RACGAP1: variants seen among roughly 807,000 people sequenced by gnomAD.
RACGAP1 encodes Rac GTPase activating protein 1, also known as rac GTPase-activating protein 1.
In RACGAP1, 30 loss-of-function variants were observed where a neutral mutation model predicts 78.1. The observed-to-expected ratio is 0.38, with a 90% CI of 0.29 to 0.52. RACGAP1 has a LOEUF of 0.52. Ranked by LOEUF, RACGAP1 falls within the 20% of genes least tolerant of loss-of-function variation. The probability of loss-of-function intolerance (pLI) is 0.82; values close to 1 mark genes in which losing one functional copy is unlikely to be tolerated. For synonymous variants in RACGAP1, 231 were observed against 264.8 expected (o/e 0.87, Z 1.24); for missense variants, 587 against 777.1 (o/e 0.76, Z 2.91).
chr12:50,029,560 C>T (rs1302011400), upstream of RACGAP1, among the ~76,000 whole-genome samples: 1 of 151,568 alleles, frequency 6.6e-6, no homozygotes, highest in Non-Finnish European at 1.5e-5. Context: ...GGTGACAGTG[C>T]GAGTCTCTGT....
intron 4 of RACGAP1, among the ~76,000 whole-genome samples, chr12:50,004,716 T>TA: frequency 6.6e-6 from 1 of 152,362 alleles, no homozygotes; most frequent in Admixed American, 6.5e-5. Context: ...ATTAAGCCTG[T>TA]ACATCTTCTT....
At chr12:50,026,791 GA>G (rs1179505475), upstream of RACGAP1, among the ~76,000 whole-genome samples, 16 of 152,250 alleles carry the variant, frequency 1.1e-4, no homozygotes, top group African/African-American at 3.9e-4. Context: ...ACACTCAAGG[GA>G]TCCTCCCTCA....
intron 9 of RACGAP1, 103 bp from the exon 10 acceptor site, chr12:49,997,307 C>T (rs1185705682): frequency 7.4e-7 from 1 of 1,358,052 alleles, no homozygotes; most frequent in Non-Finnish European, 9.6e-7. Flanking sequence ...CCGAATCTCA[C>T]TCTCTCGCCT....
At chr12:50,032,152 A>AAAT (rs5798124) in intron 1 of RACGAP1, among the ~76,000 whole-genome samples, 15,924 of 151,210 alleles carry the variant, frequency 0.11, 1,052 homozygotes, top group South Asian at 0.28. Flanking sequence ...TCTCAAAAAT[A>AAAT]AATAATAATA....
exon 1 of RACGAP1, chr12:50,033,070 C>T (rs894554585): frequency 1.3e-5 from 2 of 152,318 alleles, no homozygotes; most frequent in Non-Finnish European, 2.9e-5. Flanking sequence ...GGCTAGGTCC[C>T]TGGCTGCCAA....
At chr12:50,011,924 A>AGC in intron 2 of RACGAP1, among the ~76,000 whole-genome samples, 1 of 145,376 alleles carries the variant, frequency 6.9e-6, no homozygotes, top group East Asian at 2.0e-4. Flanking sequence ...ACTGTACTCC[A>AGC]GCCTGGGCGA....
chr12:50,010,322 T>C (rs1267411508), intron 2 of RACGAP1, among the ~76,000 whole-genome samples: 2 of 151,596 alleles, frequency 1.3e-5, no homozygotes, highest in East Asian at 3.9e-4. Flanking sequence ...TTTTAACTTT[T>C]TTTTTTTTTT....
chr12:49,998,788 C>T (rs540929118), intron 9 of RACGAP1, among the ~76,000 whole-genome samples: 18 of 151,906 alleles, frequency 1.2e-4, no homozygotes, highest in Non-Finnish European at 2.5e-4. Context: ...ATCCCTACTA[C>T]TCAGGAGGCT....
intron 8 of RACGAP1, 155 bp downstream of exon 8, chr12:49,999,461 A>G (rs768567884): frequency 4.1e-6 from 4 of 977,114 alleles, no homozygotes; most frequent in Non-Finnish European, 6.1e-6. Context: ...TCAAAGGTAA[A>G]GCATGACACA....
At chr12:49,991,900 TA>T (rs1177695225) in intron 15 of RACGAP1, 97 bp downstream of exon 15, 2 of 1,551,262 alleles carry the variant, frequency 1.3e-6, no homozygotes, top group African/African-American at 2.8e-5. Context: ...CCTTTAATGT[TA>T]GAATTTTCAA....
At chr12:50,001,059 C>A in intron 7 of RACGAP1, 113 bp downstream of exon 7, 1 of 915,352 alleles carries the variant, frequency 1.1e-6, no homozygotes. Flanking sequence ...AAAAAACAAA[C>A]AAAAACTTTA....
At chr12:49,995,280 G>A (rs573539117) in intron 10 of RACGAP1, among the ~76,000 whole-genome samples, 4 of 152,226 alleles carry the variant, frequency 2.6e-5, no homozygotes, top group Admixed American at 2.6e-4. Context: ...CCCAGGAGGT[G>A]GAGGTTGTGG....
rs929647784 is a variant in RACGAP1, at chr12:49,992,256, G to A, written c.1567C>T (p.Arg523Cys). Residue 523 changes from arginine to cysteine, a missense_variant, in exon 14 of 17, where the codon CGT (arginine) becomes TGT (cysteine). By Grantham distance (180) the Arg-to-Cys change is radical. Transcript: ENST00000312377. ...DPVTMLQDIK[R>C]QPKVVERLLS... Reference sequence around the variant, plus strand: ...ACGCACCTGCCTACCTTGGGTTGACGCTTGATGTCCTGTAACATTGTCACT... The same window carrying A: ...ACGCACCTGCCTACCTTGGGTTGACACTTGATGTCCTGTAACATTGTCACT... 2.5e-6 allele frequency: 4 copies of A among 1,614,004 alleles called. No homozygotes were observed. The highest frequency in any genetic ancestry group is 1.3e-5 in the African/African-American group (1 of 74,900).
At chr12:50,002,013 C>A (rs1417909254) in intron 6 of RACGAP1, among the ~76,000 whole-genome samples, 1 of 149,756 alleles carries the variant, frequency 6.7e-6, no homozygotes, top group Admixed American at 6.7e-5. Context: ...TGCGTTCAGC[C>A]GAGATCGCGC....
intron 3 of RACGAP1, among the ~76,000 whole-genome samples, chr12:50,006,097 T>C (rs1948958294): frequency 6.6e-6 from 1 of 152,170 alleles, no homozygotes; most frequent in Non-Finnish European, 1.5e-5. Context: ...GCACTTAAAA[T>C]AAACAATGAA....
chr12:50,025,574 G>T, upstream of RACGAP1: 1 of 981,416 alleles, frequency 1.0e-6, no homozygotes, highest in African/African-American at 1.7e-5. Context: ...GGGCCACGCG[G>T]AGGTGACGGG....
At chr12:50,007,751 T>G (rs1306005966) in intron 2 of RACGAP1, among the ~76,000 whole-genome samples, 1 of 152,228 alleles carries the variant, frequency 6.6e-6, no homozygotes, top group African/African-American at 2.4e-5. Context: ...AAGGAAACTT[T>G]AGTTTTTACA....
intron 1 of RACGAP1, among the ~76,000 whole-genome samples, chr12:50,032,564 T>TGTGTGA (rs1467334742): frequency 2.6e-5 from 4 of 151,830 alleles, no homozygotes; most frequent in African/African-American, 7.3e-5. Context: ...TGTGTGTGTG[T>TGTGTGA]GTGAAGCGGG....
intron 4 of RACGAP1, among the ~76,000 whole-genome samples, chr12:50,004,540 T>C (rs1435818900): frequency 6.6e-6 from 1 of 152,186 alleles, no homozygotes; most frequent in Admixed American, 6.5e-5. Flanking sequence ...GCAAAGACCT[T>C]ATAAGGGCAG....
Sources: allele counts gnomAD v4.1 joint callset (sites outside exome capture counted in the v4.1 genomes callset), GRCh38; gene constraint gnomAD v4.1.1; transcripts MANE v1.5; gene names NCBI Gene and HGNC (gene_info 2026-07-23, HGNC 2026-07-21).